Variants in MECOM observed in about 807,000 individuals in gnomAD.
MECOM encodes the protein MDS1 and EVI1 complex locus.
MECOM carries 13 observed loss-of-function variants against 116.3 expected under a neutral mutation model. The ratio of observed to expected loss-of-function variants is 0.11; its 90% CI spans 0.07 to 0.18. The LOEUF is 0.18. Among genes scored for constraint, MECOM ranks in the 10% least tolerant of loss-of-function variants. The pLI is 1.00. For synonymous variants in MECOM, 528 were observed against 535.2 expected, an observed-to-expected ratio of 0.99 and a Z score of 0.19; for missense variants, 1,299 against 1,509.0, an observed-to-expected ratio of 0.86 and a Z score of 2.31.
At chr3:169,482,399 C>T (rs1751453594) in intron 1 of MECOM, among the ~76,000 whole-genome samples, 2 of 147,936 alleles carry the variant, frequency 1.4e-5, no homozygotes, top group African/African-American at 5.0e-5. Flanking sequence ...CGGTGCAATC[C>T]GGGCTCACTG....
intron 2 of MECOM, among the ~76,000 whole-genome samples, chr3:169,156,909 G>C (rs951629362): frequency 3.3e-5 from 5 of 152,054 alleles, no homozygotes; most frequent in Admixed American, 2.0e-4. Context: ...TTTGATATTA[G>C]ATTCATGTGT....
chr3:169,640,880 A>G (rs1049474389), intron 1 of MECOM, among the ~76,000 whole-genome samples: 1 of 152,090 alleles, frequency 6.6e-6, no homozygotes, highest in African/African-American at 2.4e-5. Flanking sequence ...AGGTTATGTC[A>G]CCCTCCCTTG....
intron 1 of MECOM, among the ~76,000 whole-genome samples, chr3:169,506,686 T>G (rs2109004726): frequency 6.6e-6 from 1 of 152,368 alleles, no homozygotes; most frequent in East Asian, 1.9e-4. Flanking sequence ...ATTAATTCTG[T>G]AAGATGCTTC....
At chr3:169,396,014 C>T (rs990140792) in intron 1 of MECOM, among the ~76,000 whole-genome samples, 8 of 152,004 alleles carry the variant, frequency 5.3e-5, no homozygotes, top group African/African-American at 1.7e-4. Flanking sequence ...AGAAGCTATC[C>T]CCAAACCAGG....
intron 2 of MECOM, among the ~76,000 whole-genome samples, chr3:169,207,867 G>GCAGC (rs1750159181): frequency 6.6e-6 from 1 of 152,108 alleles, no homozygotes; most frequent in African/African-American, 2.4e-5. Flanking sequence ...AAACTTAGAA[G>GCAGC]CAGCTCTTGT....
intron 1 of MECOM, among the ~76,000 whole-genome samples, chr3:169,584,999 C>T (rs1765617182): frequency 6.6e-6 from 1 of 152,164 alleles, no homozygotes; most frequent in Non-Finnish European, 1.5e-5. Flanking sequence ...AGTTGTCTTT[C>T]ATTTCCACAG....
rs1394019621 is a variant in MECOM at position 169,312,629 on chromosome 3, C to G, written c.375+68558G>C. Among the ~76,000 whole-genome samples the G allele has an allele frequency of 2.6e-5, 4 of 152,272 alleles. No individual in the cohort carries two copies. The East Asian group carries it at 7.7e-4, about 29-fold the overall frequency. ...TCCTGACCTCGTGATCCGCCCGCCT[C>G]GGCCTCCCAAAGTGCCGGGATTACA... On this transcript the variant is annotated intron_variant, in intron 2 of 16. Transcript: ENST00000651503.
intron 1 of MECOM, among the ~76,000 whole-genome samples, chr3:169,564,405 A>G (rs1250675303): frequency 6.6e-6 from 1 of 152,224 alleles, no homozygotes; most frequent in East Asian, 1.9e-4. Flanking sequence ...CCTGTTAAAG[A>G]AAAACAATGC....
At chr3:169,465,540 A>G (rs1289429971) in intron 1 of MECOM, among the ~76,000 whole-genome samples, 1 of 152,200 alleles carries the variant, frequency 6.6e-6, no homozygotes. Context: ...GTCTTAGATT[A>G]TCATCAAAAT....
chr3:169,416,761 TA>T (rs1690231946), intron 1 of MECOM, among the ~76,000 whole-genome samples: 2 of 151,980 alleles, frequency 1.3e-5, no homozygotes, highest in Admixed American at 1.3e-4. Context: ...CACCTCTATG[TA>T]AGTAAGCTAG....
At chr3:169,577,759 T>G (rs1246112487) in intron 1 of MECOM, among the ~76,000 whole-genome samples, 2 of 152,198 alleles carry the variant, frequency 1.3e-5, no homozygotes, top group African/African-American at 2.4e-5. Flanking sequence ...TATTTTCCAC[T>G]TCCTCCCTAT....
intron 2 of MECOM, among the ~76,000 whole-genome samples, chr3:169,351,955 G>C (rs1268551987): frequency 6.6e-6 from 1 of 151,864 alleles, no homozygotes; most frequent in African/African-American, 2.4e-5. Context: ...TTGAGGAATT[G>C]ATAATAGATG....
At chr3:169,439,172 C>T (rs1743199847) in intron 1 of MECOM, among the ~76,000 whole-genome samples, 1 of 144,770 alleles carries the variant, frequency 6.9e-6, no homozygotes, top group Admixed American at 6.9e-5. Flanking sequence ...GATTAGTATC[C>T]AGAATATATT....
intron 1 of MECOM, among the ~76,000 whole-genome samples, chr3:169,468,562 A>G (rs1003354628): frequency 1.3e-5 from 2 of 152,222 alleles, no homozygotes; most frequent in Admixed American, 6.5e-5. Flanking sequence ...GAATGAATCC[A>G]TTCCAGGATC....
chr3:169,168,337 CTT>C (rs1166736467), intron 2 of MECOM, among the ~76,000 whole-genome samples: 32 of 108,440 alleles, frequency 3.0e-4, no homozygotes, highest in Middle Eastern at 5.1e-3. Flanking sequence ...ACTTGGCCTG[CTT>C]TTTTTTTTTT....
chr3:169,406,798 A>T (rs1022056141), intron 1 of MECOM, among the ~76,000 whole-genome samples: 4 of 151,762 alleles, frequency 2.6e-5, no homozygotes, highest in African/African-American at 9.7e-5. Context: ...ATAATATCAT[A>T]ATATTCTCAT....
chr3:169,272,256 C>T (rs1366465157), intron 2 of MECOM, among the ~76,000 whole-genome samples: 1 of 152,146 alleles, frequency 6.6e-6, no homozygotes, highest in Non-Finnish European at 1.5e-5. Flanking sequence ...GACCCAGAGA[C>T]TACTGGAGAT....
chr3:169,490,527 T>A (rs1752954963), intron 1 of MECOM, among the ~76,000 whole-genome samples: 1 of 152,188 alleles, frequency 6.6e-6, no homozygotes, highest in South Asian at 2.1e-4. Context: ...AGTGAATAAA[T>A]CTGTTGAATC....
intron 1 of MECOM, among the ~76,000 whole-genome samples, chr3:169,496,779 C>T (rs1003784115): frequency 3.3e-5 from 5 of 152,120 alleles, no homozygotes; most frequent in Non-Finnish European, 7.4e-5. Context: ...GTGGAAAATC[C>T]AAATCATGTG....
Sources: gnomAD v4.1 joint callset for allele counts (sites outside exome capture counted in the v4.1 genomes callset) on GRCh38, gnomAD v4.1.1 for gene constraint, MANE v1.5 for transcripts, NCBI Gene and HGNC (gene_info 2026-07-23, HGNC 2026-07-21) for gene names.